Variants in CTNNA2 observed in about 807,000 individuals in gnomAD.
The protein encoded by CTNNA2 is catenin alpha-2.
A neutral mutation model predicts 101.0 loss-of-function variants in CTNNA2; 42 were observed. The ratio of observed to expected loss-of-function variants is 0.42; its 90% CI spans 0.32 to 0.54. The LOEUF is 0.54. Among genes scored for constraint, CTNNA2 ranks in the 20% least tolerant of loss-of-function variants. The pLI is 0.14. For synonymous variants in CTNNA2, 450 were observed against 456.4 expected (o/e 0.99, Z 0.18); for missense variants, 871 against 1,223.1 (o/e 0.71, Z 4.29).
Position 79,609,198 on chromosome 2 carries a change from A to G in CTNNA2, c.-5-42354A>G, listed in dbSNP as rs1678105615. On this transcript the variant is annotated intron_variant, in intron 1 of 18. Transcript: ENST00000402739. The stretch of plus-strand genomic sequence containing the variant: ...TGAACAAAAGCAAAGATCTAAGTAA[A>G]CAAATAAACTCTGTTTATAGATATA... Among the ~76,000 whole-genome samples, 3 of 152,030 alleles carry G rather than the reference A, an allele frequency of 2.0e-5. No homozygotes were observed. The South Asian group carries it at 6.2e-4, about 31-fold the overall frequency.
At chr2:79,263,037 T>G (rs917619899) in intron 2 of CTNNA2, among the ~76,000 whole-genome samples, 2 of 152,136 alleles carry the variant, frequency 1.3e-5, no homozygotes, top group Non-Finnish European at 2.9e-5. Context: ...TAGTAAACAC[T>G]TCAGTCATAG....
At chr2:80,328,170 T>C (rs921464119) in intron 7 of CTNNA2, 4 of 427,454 alleles carry the variant, frequency 9.4e-6, no homozygotes, top group African/African-American at 8.2e-5. Flanking sequence ...TCACCCACAT[T>C]CTAATCCCAG....
chr2:80,449,018 G>T (rs1240228780), intron 9 of CTNNA2, among the ~76,000 whole-genome samples: 1 of 152,164 alleles, frequency 6.6e-6, no homozygotes, highest in Admixed American at 6.6e-5. Flanking sequence ...ATAGTCCTAT[G>T]TATCCCGACA....
intron 3 of CTNNA2, among the ~76,000 whole-genome samples, chr2:79,797,300 G>T (rs1675794144): frequency 6.6e-6 from 1 of 152,088 alleles, no homozygotes; most frequent in Admixed American, 6.6e-5. Context: ...GGCCCAGGTG[G>T]TCATCTAAAA....
At chr2:79,458,884 T>C (rs1670850932) in intron 4 of CTNNA2, among the ~76,000 whole-genome samples, 1 of 152,138 alleles carries the variant, frequency 6.6e-6, no homozygotes, top group Admixed American at 6.6e-5. Flanking sequence ...GTGAAACTTA[T>C]TCCCCTGCCA....
Position 80,351,708 on chromosome 2 carries a change from G to A in CTNNA2, c.1057-41503G>A, listed in dbSNP as rs183814073. On this transcript the variant is annotated intron_variant, in intron 7 of 18. Coordinates refer to ENST00000402739, the MANE Select transcript of CTNNA2 (RefSeq NM_001282597.3). ...CGGTACTTTGAAAATAACTAAAATC[G>A]TGGTATAATACTTTGCTCTCATTTT... Among the ~76,000 whole-genome samples, 106 of 152,128 alleles carry A rather than the reference G, an allele frequency of 7.0e-4. 2 individuals carry two copies. Among genetic ancestry groups the A allele is most frequent in the Admixed American group, 5.8e-3 (89 of 15,272 alleles).
intron 15 of CTNNA2, among the ~76,000 whole-genome samples, chr2:80,592,510 A>C (rs1696599611): frequency 6.6e-6 from 1 of 152,178 alleles, no homozygotes; most frequent in Admixed American, 6.5e-5. Context: ...AAGTACCTGG[A>C]ATAGTTCAAC....
At position 80,303,085 on chromosome 2, in the gene CTNNA2, C is replaced by G; in HGVS notation, c.1057-90126C>G. ...AGTCCAGCGAGCTGACCACAATGGC[C>G]ACCTTGTTCCTCCGCAGGCAGAGCG... On this transcript the variant is annotated intron_variant, in intron 7 of 18. Coordinates refer to ENST00000402739, the MANE Select transcript of CTNNA2 (RefSeq NM_001282597.3). This position sits in a 1 kb window ranked among gnomAD's most constrained non-coding sequence, Gnocchi z 7.7. 1 of 1,613,972 alleles carries G rather than the reference C, an allele frequency of 6.2e-7. No homozygotes were observed. The highest frequency in any genetic ancestry group is 8.5e-7 in the Non-Finnish European group (1 of 1,180,022).
At chr2:79,854,811 T>C (rs970972095) in intron 3 of CTNNA2, among the ~76,000 whole-genome samples, 3 of 152,156 alleles carry the variant, frequency 2.0e-5, no homozygotes, top group Non-Finnish European at 4.4e-5. Context: ...GGCAGATCTC[T>C]TGTACCCTCT....
At chr2:80,227,621 A>G (rs1226599316) in intron 7 of CTNNA2, among the ~76,000 whole-genome samples, 2 of 152,122 alleles carry the variant, frequency 1.3e-5, no homozygotes, top group African/African-American at 4.8e-5. Flanking sequence ...TGGCGTGATG[A>G]CCCACAAATG....
intron 7 of CTNNA2, among the ~76,000 whole-genome samples, chr2:80,246,870 G>C (rs1012217056): frequency 6.6e-6 from 1 of 152,200 alleles, no homozygotes; most frequent in African/African-American, 2.4e-5. Flanking sequence ...GAGACCCTGA[G>C]ACACTAGATT....
chr2:79,271,688 C>G (rs1206677456), intron 2 of CTNNA2, among the ~76,000 whole-genome samples: 1 of 151,934 alleles, frequency 6.6e-6, no homozygotes, highest in Non-Finnish European at 1.5e-5. Flanking sequence ...ACTTTTACTG[C>G]TAACAGACAG....
chr2:79,290,814 C>T (rs146405956), intron 2 of CTNNA2, among the ~76,000 whole-genome samples: 2 of 152,122 alleles, frequency 1.3e-5, no homozygotes, highest in Non-Finnish European at 2.9e-5. Flanking sequence ...TTCTCCAAGC[C>T]CATGTGTGAT....
At chr2:80,360,351 G>T (rs903001980) in intron 7 of CTNNA2, among the ~76,000 whole-genome samples, 2 of 152,072 alleles carry the variant, frequency 1.3e-5, no homozygotes, top group Non-Finnish European at 2.9e-5. Context: ...AGAGATGGAG[G>T]TAGCTATTAG....
intron 4 of CTNNA2, among the ~76,000 whole-genome samples, chr2:79,392,451 A>G (rs2104473181): frequency 6.6e-6 from 1 of 152,310 alleles, no homozygotes; most frequent in East Asian, 1.9e-4. Context: ...CATGGTTACT[A>G]TTTTTTGAAT....
intron 4 of CTNNA2, among the ~76,000 whole-genome samples, chr2:79,415,759 C>T (rs1169052116): frequency 6.6e-6 from 1 of 151,886 alleles, no homozygotes; most frequent in Non-Finnish European, 1.5e-5. Context: ...TTTTTTTCAT[C>T]CCAGTAGAGA....
chr2:80,524,072 G>T (rs1293655490), intron 9 of CTNNA2, among the ~76,000 whole-genome samples: 1 of 152,110 alleles, frequency 6.6e-6, no homozygotes, highest in African/African-American at 2.4e-5. Flanking sequence ...GCTGCTGATG[G>T]GGATGACAGG....
intron 2 of CTNNA2, among the ~76,000 whole-genome samples, chr2:79,213,265 T>C (rs1377411826): frequency 6.6e-6 from 1 of 152,220 alleles, no homozygotes; most frequent in East Asian, 1.9e-4. Flanking sequence ...CGACGGCCTT[T>C]GCAGTGAATG....
At chr2:79,459,342 T>C (rs1425861878) in intron 4 of CTNNA2, among the ~76,000 whole-genome samples, 3 of 152,028 alleles carry the variant, frequency 2.0e-5, no homozygotes, top group African/African-American at 7.2e-5. Context: ...ATTGTATTTT[T>C]AGGAAAAAAT....
Sources: gnomAD v4.1 joint callset for allele counts (sites outside exome capture counted in the v4.1 genomes callset) on GRCh38, gnomAD v4.1.1 for gene constraint, Gnocchi (gnomAD v3.1) non-coding constraint, MANE v1.5 for transcripts, NCBI Gene and HGNC (gene_info 2026-07-23, HGNC 2026-07-21) for gene names.